The following ADAMTS13 variants were observed in gnomAD, a reference collection of about 807,000 sequenced individuals.
The protein encoded by ADAMTS13 is A disintegrin and metalloproteinase with thrombospondin motifs 13.
Under a neutral mutation model 155.1 loss-of-function variants are expected in ADAMTS13, and 110 were observed. That is an observed-to-expected ratio of 0.71 (90% CI 0.61 to 0.83). The LOEUF (loss-of-function observed/expected upper bound fraction) is 0.83, where lower values mean the gene tolerates loss of function less well. ADAMTS13 is among the 40% of genes least tolerant of loss of function. The pLI is 0.00. For synonymous variants in ADAMTS13, 758 were observed against 756.4 expected (o/e 1.00, Z -0.03); for missense variants, 1,707 against 1,891.7 (o/e 0.90, Z 1.81).
chr9:133,430,140 TC>T (rs1395605592), intron 8 of ADAMTS13, 39 bp downstream of exon 8: 3 of 1,551,338 alleles, frequency 1.9e-6, no homozygotes, highest in African/African-American at 2.7e-5. Flanking sequence ...GGCTGTGAGG[TC>T]CCTCCGCATC....
At chr9:133,427,074 A>T (rs1349297553) in intron 6 of ADAMTS13, among the ~76,000 whole-genome samples, 1 of 152,228 alleles carries the variant, frequency 6.6e-6, no homozygotes, top group Non-Finnish European at 1.5e-5. Context: ...CAGTGCTGGG[A>T]TTACAGGCGT....
At chr9:133,431,621 C>T (rs1398490572) in intron 8 of ADAMTS13, among the ~76,000 whole-genome samples, 1 of 151,730 alleles carries the variant, frequency 6.6e-6, no homozygotes, top group Non-Finnish European at 1.5e-5. Context: ...CCACCACACC[C>T]AGCCTAGTTC....
At chr9:133,417,619 C>T (rs1839738141), upstream of ADAMTS13, 4 of 1,613,426 alleles carry the variant, frequency 2.5e-6, no homozygotes, top group Non-Finnish European at 3.4e-6. Context: ...TCAAGCCTCA[C>T]CTCTTGCAGC....
chr9:133,431,090 G>A (rs1554787319), intron 8 of ADAMTS13, among the ~76,000 whole-genome samples: 1 of 151,974 alleles, frequency 6.6e-6, no homozygotes, highest in African/African-American at 2.4e-5. Context: ...CTCGGCCTTG[G>A]AGTAGCTGGG....
intron 28 of ADAMTS13, 103 bp from the exon 29 acceptor site, chr9:133,458,871 A>G (rs993738723): frequency 5.5e-6 from 6 of 1,088,192 alleles, no homozygotes; most frequent in African/African-American, 1.6e-5. Flanking sequence ...CTTTGTAAGC[A>G]TTAAATGTGA....
chr9:133,443,534 C>T lies in ADAMTS13; in HGVS notation c.2393C>T (p.Thr798Ile). 6.4e-7 allele frequency: 1 copy of T among 1,567,666 alleles called. No individual in the cohort carries two copies. Among genetic ancestry groups the T allele is most frequent in the Non-Finnish European group, 8.6e-7 (1 of 1,163,088 alleles). The change falls in exon 19 of 29, where the codon ACC (threonine) becomes ATC (isoleucine). Residue 798 changes from threonine (T) to isoleucine (I), a missense_variant. By Grantham distance (89) the Thr-to-Ile change is moderately conservative (BLOSUM62 -1). Around this residue, in one of 3 missense-constraint regions of ADAMTS13, gnomAD observed 961 missense variants for 1,107.9 expected, o/e 0.87. Coordinates refer to ENST00000355699, the MANE Select transcript of ADAMTS13 (RefSeq NM_139027.6). ...GAQQPAVALE[T>I]CNPQPCPARW... ...CAGCAGCCAGCTGTGGCGCTGGAAA[C>T]CTGCAACCCCCAGCCCTGCCCTGCC... is the stretch of plus-strand genomic sequence containing the variant.
At chr9:133,437,934 C>A in intron 13 of ADAMTS13, 37 bp downstream of exon 13, 7 of 1,612,082 alleles carry the variant, frequency 4.3e-6, no homozygotes, top group Non-Finnish European at 5.9e-6. Flanking sequence ...GCCCTGGGGC[C>A]TACCTGTCCT....
At chr9:133,454,016 TC>T (rs1842598017) in intron 23 of ADAMTS13, among the ~76,000 whole-genome samples, 2 of 152,058 alleles carry the variant, frequency 1.3e-5, no homozygotes, top group African/African-American at 4.8e-5. Context: ...TGGGCAGCCT[TC>T]CCTTGCCCAA....
upstream of ADAMTS13, among the ~76,000 whole-genome samples, chr9:133,420,720 G>C (rs1839920314): frequency 1.3e-5 from 2 of 152,252 alleles, no homozygotes; most frequent in South Asian, 4.1e-4. Context: ...TCAGCAAATG[G>C]CTGCTAGGTC....
chr9:133,444,745 CTTTGGGCTCCTG>C (rs1841936702), intron 19 of ADAMTS13, 106 bp from the exon 20 acceptor site: 1 of 1,073,418 alleles, frequency 9.3e-7, no homozygotes, highest in Non-Finnish European at 1.4e-6. Flanking sequence ...TGGGGCTCCT[CTTTGGGCTCCTG>C]GATGTTGGGG....
At chr9:133,428,838 T>A in intron 7 of ADAMTS13, 67 bp downstream of exon 7, 2 of 1,174,186 alleles carry the variant, frequency 1.7e-6, no homozygotes. Context: ...CAGCGCCACC[T>A]CTCTCTACGT....
intron 14 of ADAMTS13, 98 bp downstream of exon 14, chr9:133,438,464 C>T (rs1564424485): frequency 6.5e-7 from 1 of 1,544,616 alleles, no homozygotes; most frequent in Non-Finnish European, 8.7e-7. Flanking sequence ...GGTCACAGGG[C>T]CTGCACACTC....
chr9:133,425,301 G>A lies in ADAMTS13; in HGVS notation c.331-228G>A, dbSNP rs1840206939. Among the ~76,000 whole-genome samples, 1 of 152,206 alleles carries A rather than the reference G, an allele frequency of 6.6e-6. No homozygotes were observed. Among genetic ancestry groups the A allele is most frequent in the Non-Finnish European group, 1.5e-5 (1 of 68,034 alleles). On this transcript the variant is annotated intron_variant, in intron 3 of 28. Transcript: ENST00000355699. The surrounding 1 kb of genome is among the most constrained non-coding windows in gnomAD (Gnocchi z 4.6). ...CTCTCATCCCCTTGCTTTGGAGTTTGTTTTCCTTGCGTTAGTTGGCCTTCC... is the reference window on the plus strand; with the variant it reads ...CTCTCATCCCCTTGCTTTGGAGTTTATTTTCCTTGCGTTAGTTGGCCTTCC...
At chr9:133,426,448 C>A in intron 6 of ADAMTS13, 103 bp downstream of exon 6, 1 of 1,475,494 alleles carries the variant, frequency 6.8e-7, no homozygotes, top group Non-Finnish European at 9.2e-7. Context: ...TAGAGTTTCT[C>A]CAGAGGAGCC....
upstream of ADAMTS13, among the ~76,000 whole-genome samples, chr9:133,419,356 G>C (rs781889276): frequency 8.5e-5 from 13 of 152,154 alleles, no homozygotes; most frequent in African/African-American, 3.1e-4. Context: ...AAGGAGAGAC[G>C]TCTAATCAGC....
rs1554791232 is a variant in ADAMTS13 at position 133,442,661 on chromosome 9, T to G, written c.2152T>G (p.Leu718Val). Reference protein sequence around the residue: ...YSCLDQARKELVETVQCQGSQ... With the variant: ...YSCLDQARKEVVETVQCQGSQ... ...CTGCCTGGACCAGGCCAGGAAGGAG[T>G]TGGTGGAGACTGTCCAGTGCCAAGG... Residue 718 changes from leucine (L) to valine (V), a missense_variant, in exon 18 of 29, where the codon TTG (leucine) becomes GTG (valine). Leu to Val is a conservative substitution (Grantham distance 32). This residue lies in a region of ADAMTS13 where 961 missense variants were observed against 1,107.9 expected (regional missense o/e 0.87). Transcript: ENST00000355699. The G allele has an allele frequency of 6.2e-7, 1 of 1,612,718 alleles. No individual in the cohort carries two copies. The highest frequency in any genetic ancestry group is 8.5e-7 in the Non-Finnish European group (1 of 1,179,914).
At chr9:133,423,978 A>G (rs587732123) in intron 2 of ADAMTS13, among the ~76,000 whole-genome samples, 1 of 152,320 alleles carries the variant, frequency 6.6e-6, no homozygotes, top group South Asian at 2.1e-4. Context: ...ACTCGTGTTC[A>G]GTTTCCTGTC....
chr9:133,425,822 C>T lies in ADAMTS13; in HGVS notation c.415-116C>T, dbSNP rs1554785076. ...TCTCTGAGCCTCAGTTGTCTCATCC[C>T]TAACACGGGCTAGTCATAGGGTTGT... On this transcript the variant is annotated intron_variant, in intron 4 of 28. Coordinates refer to ENST00000355699, the MANE Select transcript of ADAMTS13 (RefSeq NM_139027.6). The surrounding 1 kb of genome is among the most constrained non-coding windows in gnomAD (Gnocchi z 4.6). 6.5e-7 allele frequency: 1 copy of T among 1,532,738 alleles called. No homozygotes were observed. The highest frequency in any genetic ancestry group is 8.8e-7 in the Non-Finnish European group (1 of 1,136,342). The allele number at this position is 1,532,738 out of a possible 1,614,324, so 94.9% of individuals were successfully genotyped here. A position where few individuals can be genotyped will look rare whatever the true frequency, so the allele number is the denominator to read the frequency against.
chr9:133,437,762 C>G lies in ADAMTS13; in HGVS notation c.1449C>G (p.Cys483Trp). ...CTGCCCTCCCAGGGGATGCTCTGTG[C>G]AGACACATGTGCCGGGCCATTGGCG... ...AVPHSQGDAL[C>W]RHMCRAIGES... The change falls in exon 13 of 29, where the codon TGC (cysteine) becomes TGG (tryptophan). Residue 483 changes from cysteine (C) to tryptophan (W), a missense_variant. Cys to Trp is a radical substitution (Grantham distance 215, BLOSUM62 -2). Around this residue, in one of 3 missense-constraint regions of ADAMTS13, gnomAD observed 733 missense variants for 749.6 expected, o/e 0.98. Coordinates refer to ENST00000355699, the MANE Select transcript of ADAMTS13 (RefSeq NM_139027.6). The G allele has an allele frequency of 6.2e-7, 1 of 1,613,888 alleles. No individual in the cohort carries two copies. Among genetic ancestry groups the G allele is most frequent in the Non-Finnish European group, 8.5e-7 (1 of 1,180,030 alleles).
Sources: gnomAD v4.1 joint callset for allele counts (sites outside exome capture counted in the v4.1 genomes callset) on GRCh38, gnomAD v4.1.1 for gene constraint, gnomAD v4.1.1 regional missense constraint, Gnocchi (gnomAD v3.1) non-coding constraint, MANE v1.5 for transcripts, NCBI Gene and HGNC (gene_info 2026-07-23, HGNC 2026-07-21) for gene names.